The following ZNF654 variants were observed in gnomAD, a reference collection of about 807,000 sequenced individuals.
ZNF654 encodes the protein zinc finger protein 654, also known as melanoma-associated antigen.
In ZNF654, 19 loss-of-function variants were observed where a neutral mutation model predicts 95.3. The observed-to-expected ratio is 0.20, with a 90% confidence interval of 0.14 to 0.29. The LOEUF is 0.29. Among genes scored for constraint, ZNF654 ranks in the 10% least tolerant of loss-of-function variants. The pLI is 1.00. For missense variants in ZNF654, 1,046 were observed against 1,341.0 expected, an observed-to-expected ratio of 0.78 and a Z score of 3.44; for synonymous variants, 413 against 457.9, an observed-to-expected ratio of 0.90 and a Z score of 1.25.
chr3:88,105,242 A>G (rs1704664334), intron 2 of ZNF654, among the ~76,000 whole-genome samples: 1 of 151,868 alleles, frequency 6.6e-6, no homozygotes, highest in Admixed American at 6.6e-5. Flanking sequence ...TAACATATCC[A>G]TGCCCTTTTT....
intron 2 of ZNF654, among the ~76,000 whole-genome samples, chr3:88,103,277 A>T (rs1704540317): frequency 6.6e-6 from 1 of 152,226 alleles, no homozygotes; most frequent in Admixed American, 6.5e-5. Flanking sequence ...AGCAGATTGG[A>T]AATTTCGGCA....
rs1224201612 is a variant in ZNF654, at chr3:88,071,677, G to A, written c.186+12172G>A. Among the ~76,000 whole-genome samples, 4 of 152,022 alleles carry A rather than the reference G, an allele frequency of 2.6e-5. No individual in the cohort carries two copies. In the East Asian group the frequency reaches 7.8e-4, roughly 30 times the overall value. On this transcript the variant is annotated intron_variant, in intron 1 of 8. Coordinates refer to ENST00000636215, the MANE Select transcript of ZNF654 (RefSeq NM_001350134.2). ...AAATTAGCCGGGCGTGGTGGCGGGT[G>A]CCTTTAATCTCAGCTATTCAGGAGG...
At chr3:88,114,535 C>CA (rs897182541) in intron 3 of ZNF654, among the ~76,000 whole-genome samples, 3 of 152,238 alleles carry the variant, frequency 2.0e-5, no homozygotes, top group African/African-American at 7.2e-5. Context: ...GATCCTTTGA[C>CA]ACTCTCTAAT....
chr3:88,097,685 A>G (rs1704143801), intron 2 of ZNF654, among the ~76,000 whole-genome samples: 1 of 152,124 alleles, frequency 6.6e-6, no homozygotes, highest in South Asian at 2.1e-4. Context: ...AACTCACTCA[A>G]AACCGCTCAA....
At chr3:88,125,991 A>T in intron 3 of ZNF654, 143 bp from the exon 4 acceptor site, 1 of 809,358 alleles carries the variant, frequency 1.2e-6, no homozygotes, top group Non-Finnish European at 1.8e-6. Context: ...TCGACACCCT[A>T]CTTAGGTTAC....
intron 1 of ZNF654, among the ~76,000 whole-genome samples, chr3:88,081,037 C>T (rs1393447597): frequency 1.3e-5 from 2 of 152,160 alleles, no homozygotes; most frequent in Non-Finnish European, 2.9e-5. Context: ...AACAGTTCCT[C>T]AGCCTTTCCT....
chr3:88,061,658 A>G (rs543933817), intron 1 of ZNF654, among the ~76,000 whole-genome samples: 51 of 152,274 alleles, frequency 3.3e-4, no homozygotes, highest in Middle Eastern at 3.4e-3. Context: ...AATTTTATCT[A>G]CTGAGAAATA....
chr3:88,068,002 C>T (rs957567805), intron 1 of ZNF654, among the ~76,000 whole-genome samples: 1 of 151,764 alleles, frequency 6.6e-6, no homozygotes, highest in Non-Finnish European at 1.5e-5. Context: ...TATTATAAGA[C>T]CCCTGAAGGG....
At chr3:88,074,125 A>G (rs1707667268) in intron 1 of ZNF654, among the ~76,000 whole-genome samples, 1 of 152,164 alleles carries the variant, frequency 6.6e-6, no homozygotes, top group Non-Finnish European at 1.5e-5. Flanking sequence ...TTCACAAAGA[A>G]AAATTAAAGT....
Position 88,139,320 on chromosome 3 carries a change from A to C in ZNF654, c.1651A>C (p.Asn551His). ...NVPRHRCMLC[N>H]KEFLGGHIVR... The stretch of plus-strand genomic sequence containing the variant: ...CCCAAGGCATCGTTGTATGTTATGT[A>C]ACAAGGAATTTTTAGGTGGTCACAT... The change falls in exon 8 of 9, where the codon AAC becomes CAC. Residue 551 changes from asparagine to histidine, a missense_variant. Transcript: ENST00000636215. 1 of 1,602,900 alleles carries C rather than the reference A, an allele frequency of 6.2e-7. No individual in the cohort carries two copies. Among genetic ancestry groups the C allele is most frequent in the African/African-American group, 1.3e-5 (1 of 74,414 alleles).
Position 88,128,919 on chromosome 3 carries a change from A to T in ZNF654, c.661A>T (p.Asn221Tyr). The T allele has an allele frequency of 6.5e-7, 1 of 1,535,608 alleles. No homozygotes were observed. The highest frequency in any genetic ancestry group is 2.0e-5 in the Admixed American group (1 of 50,980). ...AATGGCTCTTATTAAATCTTGTATA[A>T]ATCACCCAGAAATCAGTAAAGACTT... is the stretch of plus-strand genomic sequence containing the variant. Reference protein sequence around the residue: ...EAMALIKSCINHPEISKDLYF... With the variant: ...EAMALIKSCIYHPEISKDLYF... Residue 221 changes from asparagine to tyrosine, a missense_variant, in exon 5 of 9, where the codon AAT (asparagine) becomes TAT (tyrosine). Asn to Tyr is a moderately radical substitution (Grantham distance 143, BLOSUM62 -2). Transcript: ENST00000636215.
intron 1 of ZNF654, among the ~76,000 whole-genome samples, chr3:88,071,127 T>C (rs931825538): frequency 2.0e-5 from 3 of 152,222 alleles, no homozygotes; most frequent in Non-Finnish European, 2.9e-5. Flanking sequence ...ATTTTTGCTT[T>C]CCTTCCTGGC....
intron 6 of ZNF654, among the ~76,000 whole-genome samples, chr3:88,130,804 T>A (rs1030546132): frequency 4.0e-5 from 6 of 151,832 alleles, no homozygotes; most frequent in African/African-American, 1.5e-4. Context: ...GAGATAAGAG[T>A]CAAATAGCTA....
Position 88,074,663 on chromosome 3 carries a change from C to A in ZNF654, c.187-11594C>A, listed in dbSNP as rs535377070. On this transcript the variant is annotated intron_variant, in intron 1 of 8. Transcript: ENST00000636215. ...GCCTGTGTCTTACTTTCTTAAGAGT[C>A]TTGAAGATCAGTAGGGCAAACGTTT... 9.5e-4 allele frequency among the ~76,000 whole-genome samples: 144 copies of A among 152,214 alleles called. 1 individual carries two copies. The highest frequency in any genetic ancestry group is 3.4e-3 in the Middle Eastern group (1 of 294).
intron 1 of ZNF654, among the ~76,000 whole-genome samples, chr3:88,072,818 G>GAATA (rs1335856820): frequency 6.6e-6 from 1 of 152,106 alleles, no homozygotes; most frequent in African/African-American, 2.4e-5. Flanking sequence ...ATAAATTAAT[G>GAATA]AATAAATATA....
intron 1 of ZNF654, among the ~76,000 whole-genome samples, chr3:88,076,531 C>A (rs1467405331): frequency 6.6e-6 from 1 of 151,898 alleles, no homozygotes; most frequent in Non-Finnish European, 1.5e-5. Flanking sequence ...TTTTATTTTT[C>A]TTTAATTTTT....
intron 1 of ZNF654, among the ~76,000 whole-genome samples, chr3:88,063,182 TC>T (rs1437272880): frequency 6.6e-6 from 1 of 152,128 alleles, no homozygotes; most frequent in Admixed American, 6.5e-5. Flanking sequence ...CTACTGAACA[TC>T]CTGCAGTGCA....
intron 6 of ZNF654, 79 bp from the exon 7 acceptor site, chr3:88,134,982 T>C: frequency 2.9e-6 from 3 of 1,044,630 alleles, no homozygotes; most frequent in Non-Finnish European, 3.8e-6. Context: ...CAGGGCACTA[T>C]AGAATCAGGG....
At chr3:88,092,422 G>A (rs1423682187) in intron 2 of ZNF654, among the ~76,000 whole-genome samples, 1 of 152,068 alleles carries the variant, frequency 6.6e-6, no homozygotes, top group East Asian at 1.9e-4. Context: ...ATTACAGAAT[G>A]CAATGAGAGG....
Sources: gnomAD v4.1 joint callset for allele counts (sites outside exome capture counted in the v4.1 genomes callset) on GRCh38, gnomAD v4.1.1 for gene constraint, MANE v1.5 for transcripts, NCBI Gene and HGNC (gene_info 2026-07-23, HGNC 2026-07-21) for gene names.